LRBA: variants seen among roughly 807,000 people sequenced by gnomAD.
LRBA encodes the protein lipopolysaccharide-responsive and beige-like anchor protein.
LRBA carries 176 observed loss-of-function variants against 330.0 expected under a neutral mutation model. The observed-to-expected ratio is 0.53, with a 90% CI of 0.47 to 0.60. The LOEUF (loss-of-function observed/expected upper bound fraction) is 0.60. Among genes scored for constraint, LRBA ranks in the 20% least tolerant of loss-of-function variants. The pLI, the probability that LRBA is intolerant of heterozygous loss-of-function variation, is 0.00. For synonymous variants in LRBA, 1,230 were observed against 1,193.0 expected, an observed-to-expected ratio of 1.03 and a Z score of -0.64; for missense variants, 3,259 against 3,444.8, an observed-to-expected ratio of 0.95 and a Z score of 1.35.
At chr4:150,758,237 C>T (rs1262656844) in intron 35 of LRBA, among the ~76,000 whole-genome samples, 4 of 152,170 alleles carry the variant, frequency 2.6e-5, no homozygotes, top group Admixed American at 2.6e-4. Flanking sequence ...TGGAGAAAGA[C>T]ATTATTATAC....
chr4:150,811,440 A>G (rs63634060), intron 31 of LRBA, among the ~76,000 whole-genome samples: 16,890 of 131,206 alleles, frequency 0.13, 1,845 homozygotes, highest in African/African-American at 0.31. Flanking sequence ...AAAAAAAAAA[A>G]GGGGGTGTGC....
At chr4:150,523,355 A>G (rs1463489735) in intron 40 of LRBA, among the ~76,000 whole-genome samples, 2 of 152,034 alleles carry the variant, frequency 1.3e-5, no homozygotes, top group African/African-American at 2.4e-5. Flanking sequence ...AAAGGGCTGA[A>G]GGTTGAAGGG....
rs540796218 is a variant in LRBA at position 150,961,934 on chromosome 4, G to A, written c.217-32869C>T. On this transcript the variant is annotated intron_variant, in intron 2 of 56. Coordinates refer to ENST00000651943, the MANE Select transcript of LRBA (RefSeq NM_001364905.1). Reference sequence around the variant, plus strand: ...ACTCCATGAGATAGGTACAATTATTGTATTTTTATTTGAGGAAACTGAGGC... The same window carrying A: ...ACTCCATGAGATAGGTACAATTATTATATTTTTATTTGAGGAAACTGAGGC... Among the ~76,000 whole-genome samples the A allele has an allele frequency of 2.7e-5, 4 of 149,220 alleles. No homozygotes were observed. In the East Asian group the frequency reaches 7.7e-4, roughly 29 times the overall value.
At chr4:150,635,816 T>C (rs767363211) in intron 37 of LRBA, among the ~76,000 whole-genome samples, 1 of 152,192 alleles carries the variant, frequency 6.6e-6, no homozygotes, top group Non-Finnish European at 1.5e-5. Context: ...TATAGCAAGA[T>C]GACACAGCTG....
chr4:150,642,301 C>T (rs1238484828), intron 37 of LRBA, among the ~76,000 whole-genome samples: 7 of 151,478 alleles, frequency 4.6e-5, no homozygotes, highest in South Asian at 2.1e-4. Context: ...TAGAAAGTTG[C>T]GGGAGAATGG....
intron 47 of LRBA, among the ~76,000 whole-genome samples, chr4:150,406,650 T>C (rs761715538): frequency 6.6e-6 from 1 of 152,186 alleles, no homozygotes; most frequent in Admixed American, 6.5e-5. Context: ...ACATAACAAT[T>C]ATAAACATAT....
chr4:150,267,201 C>T (rs944928841), intron 56 of LRBA, among the ~76,000 whole-genome samples: 5 of 152,244 alleles, frequency 3.3e-5, no homozygotes, highest in Middle Eastern at 3.4e-3. Flanking sequence ...ACCTGACACA[C>T]GTATATAGAA....
At chr4:150,452,706 G>A (rs1459211773) in intron 44 of LRBA, among the ~76,000 whole-genome samples, 7 of 151,842 alleles carry the variant, frequency 4.6e-5, no homozygotes, top group African/African-American at 9.7e-5. Context: ...ACTTAAGGGC[G>A]AAAGACTGAA....
chr4:150,394,771 A>C (rs1395114031), intron 47 of LRBA, among the ~76,000 whole-genome samples: 1 of 152,186 alleles, frequency 6.6e-6, no homozygotes, highest in African/African-American at 2.4e-5. Context: ...AAAACAGAAT[A>C]TTTTTGTGAT....
intron 2 of LRBA, among the ~76,000 whole-genome samples, chr4:150,936,866 A>G (rs990972008): frequency 6.6e-6 from 1 of 152,096 alleles, no homozygotes; most frequent in African/African-American, 2.4e-5. Context: ...GAGTTTTAAT[A>G]GTGTGAAATT....
At chr4:150,711,906 C>G (rs1257047519) in intron 36 of LRBA, among the ~76,000 whole-genome samples, 1 of 152,166 alleles carries the variant, frequency 6.6e-6, no homozygotes, top group East Asian at 1.9e-4. Context: ...ATCAATGGGT[C>G]TCTTCTGAAT....
At chr4:150,935,052 T>C (rs1734944700) in intron 2 of LRBA, among the ~76,000 whole-genome samples, 1 of 150,188 alleles carries the variant, frequency 6.7e-6, no homozygotes, top group Admixed American at 6.7e-5. Flanking sequence ...GGTGCATGTC[T>C]GTGGTTCCAG....
chr4:150,452,503 T>C (rs900891951), intron 44 of LRBA, among the ~76,000 whole-genome samples: 1 of 151,896 alleles, frequency 6.6e-6, no homozygotes, highest in Non-Finnish European at 1.5e-5. Flanking sequence ...GCACCTATAG[T>C]GTCAGCTACT....
intron 34 of LRBA, among the ~76,000 whole-genome samples, chr4:150,791,457 T>A (rs1739892365): frequency 6.6e-6 from 1 of 152,216 alleles, no homozygotes; most frequent in South Asian, 2.1e-4. Flanking sequence ...GAATAATAGA[T>A]GATAGTTTCC....
intron 42 of LRBA, among the ~76,000 whole-genome samples, chr4:150,477,005 T>C (rs1756788825): frequency 6.6e-6 from 1 of 152,198 alleles, no homozygotes; most frequent in Non-Finnish European, 1.5e-5. Context: ...ACATTTGGTC[T>C]TAATGGCCCT....
intron 40 of LRBA, among the ~76,000 whole-genome samples, chr4:150,530,051 A>G (rs1371183157): frequency 1.3e-5 from 2 of 152,222 alleles, no homozygotes; most frequent in African/African-American, 4.8e-5. Flanking sequence ...TTGAATAGAT[A>G]TTTAAATCTT....
At chr4:150,753,629 G>A (rs1233097514) in intron 35 of LRBA, among the ~76,000 whole-genome samples, 1 of 151,988 alleles carries the variant, frequency 6.6e-6, no homozygotes, top group Non-Finnish European at 1.5e-5. Context: ...TTTGGTCTTG[G>A]TAAAAAAATG....
chr4:150,534,640 A>G (rs2152209502), intron 40 of LRBA, among the ~76,000 whole-genome samples: 1 of 152,152 alleles, frequency 6.6e-6, no homozygotes, highest in East Asian at 1.9e-4. Context: ...AAAAGCTGTA[A>G]GAACATGCTA....
intron 49 of LRBA, among the ~76,000 whole-genome samples, chr4:150,322,718 T>G (rs1413139425): frequency 1.3e-5 from 2 of 152,194 alleles, no homozygotes; most frequent in Non-Finnish European, 2.9e-5. Flanking sequence ...CGGACACCCT[T>G]CTGAGCAAGT....
Sources: allele counts gnomAD v4.1 joint callset (sites outside exome capture counted in the v4.1 genomes callset), GRCh38; gene constraint gnomAD v4.1.1; transcripts MANE v1.5; gene names NCBI Gene and HGNC (gene_info 2026-07-23, HGNC 2026-07-21).